The following MACROD2 variants were observed in gnomAD, a reference collection of about 807,000 sequenced individuals.
MACROD2 encodes ADP-ribose glycohydrolase MACROD2.
A neutral mutation model predicts 70.4 loss-of-function variants in MACROD2; 36 were observed. The ratio of observed to expected loss-of-function variants is 0.51; its 90% CI spans 0.39 to 0.68. The LOEUF (loss-of-function observed/expected upper bound fraction) is 0.68. MACROD2 is among the 30% of genes least tolerant of loss of function. MACROD2 has a pLI of 0.00. For missense variants in MACROD2, 496 were observed against 538.4 expected (o/e 0.92, Z 0.78); for synonymous variants, 172 against 178.8 (o/e 0.96, Z 0.30).
chr20:15,033,312 G>A (rs1395538432), intron 5 of MACROD2, among the ~76,000 whole-genome samples: 1 of 152,064 alleles, frequency 6.6e-6, no homozygotes, highest in African/African-American at 2.4e-5. Flanking sequence ...TGCCAACGAT[G>A]GGGAATGAAA....
chr20:15,779,531 A>T (rs1400345274), intron 8 of MACROD2, among the ~76,000 whole-genome samples: 3 of 152,174 alleles, frequency 2.0e-5, no homozygotes, highest in Admixed American at 2.0e-4. Flanking sequence ...AGTTCTCTGC[A>T]GCCAGTAACA....
At chr20:14,073,926 T>C (rs1215846762) in intron 2 of MACROD2, among the ~76,000 whole-genome samples, 1 of 152,212 alleles carries the variant, frequency 6.6e-6, no homozygotes, top group East Asian at 1.9e-4. Context: ...GCCCTTTTCT[T>C]GTCTAGACCC....
intron 5 of MACROD2, among the ~76,000 whole-genome samples, chr20:14,883,448 A>G (rs1259848081): frequency 2.0e-5 from 3 of 152,100 alleles, no homozygotes; most frequent in Admixed American, 1.3e-4. Flanking sequence ...TGTGGTAAGC[A>G]TGTCGGACTA....
intron 5 of MACROD2, among the ~76,000 whole-genome samples, chr20:15,112,163 C>A (rs566838004): frequency 6.6e-6 from 1 of 152,212 alleles, no homozygotes; most frequent in South Asian, 2.1e-4. Flanking sequence ...GTTGCAGAGA[C>A]CCTGACAGGA....
At chr20:14,975,697 G>T (rs1165892854) in intron 5 of MACROD2, among the ~76,000 whole-genome samples, 1 of 152,050 alleles carries the variant, frequency 6.6e-6, no homozygotes, top group Admixed American at 6.5e-5. Context: ...GGTTGTCAGG[G>T]TGGGTGCCCT....
chr20:15,835,895 A>C (rs1241306902), intron 8 of MACROD2, among the ~76,000 whole-genome samples: 1 of 152,184 alleles, frequency 6.6e-6, no homozygotes, highest in Non-Finnish European at 1.5e-5. Context: ...GAAACCTGTA[A>C]AGTTGCTTGC....
intron 5 of MACROD2, among the ~76,000 whole-genome samples, chr20:14,834,732 A>G (rs962693579): frequency 2.0e-5 from 3 of 152,018 alleles, no homozygotes; most frequent in Non-Finnish European, 2.9e-5. Context: ...TCCAAGTTGT[A>G]TTAGCCATTG....
chr20:14,136,924 A>C (rs903312080), intron 3 of MACROD2, among the ~76,000 whole-genome samples: 2 of 152,192 alleles, frequency 1.3e-5, no homozygotes, highest in Non-Finnish European at 2.9e-5. Context: ...CTCTATCCCC[A>C]AAACATAGCA....
chr20:15,826,756 T>C (rs1325270292), intron 8 of MACROD2, among the ~76,000 whole-genome samples: 1 of 152,160 alleles, frequency 6.6e-6, no homozygotes, highest in Non-Finnish European at 1.5e-5. Context: ...AGGAAAAATA[T>C]AAGTAACAAA....
At chr20:14,277,960 G>A (rs181431160) in intron 3 of MACROD2, among the ~76,000 whole-genome samples, 3 of 152,304 alleles carry the variant, frequency 2.0e-5, no homozygotes, top group African/African-American at 7.2e-5. Flanking sequence ...AGTTTTCTAG[G>A]TTGAATTACT....
chr20:15,188,640 A>C (rs962837761), intron 5 of MACROD2, among the ~76,000 whole-genome samples: 1 of 152,170 alleles, frequency 6.6e-6, no homozygotes, highest in Non-Finnish European at 1.5e-5. Flanking sequence ...CGAAACATTT[A>C]TTATTCTGAG....
chr20:14,911,826 G>A (rs1338159187), intron 5 of MACROD2, among the ~76,000 whole-genome samples: 1 of 152,068 alleles, frequency 6.6e-6, no homozygotes, highest in Non-Finnish European at 1.5e-5. Flanking sequence ...ACAATGTTTT[G>A]TATGTGGTAC....
chr20:16,036,372 C>T (rs941204515), intron 15 of MACROD2, among the ~76,000 whole-genome samples: 1 of 151,930 alleles, frequency 6.6e-6, no homozygotes. Context: ...TCTATGATGA[C>T]ATCTGCCTCA....
intron 8 of MACROD2, among the ~76,000 whole-genome samples, chr20:15,831,372 C>T (rs2064054491): frequency 6.6e-6 from 1 of 152,154 alleles, no homozygotes. Context: ...GATGTGCTGG[C>T]TTGAAGAACT....
chr20:14,270,544 G>A (rs900470536), intron 3 of MACROD2, among the ~76,000 whole-genome samples: 4 of 148,726 alleles, frequency 2.7e-5, no homozygotes, highest in Admixed American at 2.0e-4. Context: ...AGCCAAGATC[G>A]TGCCACAGCA....
intron 3 of MACROD2, among the ~76,000 whole-genome samples, chr20:14,093,154 C>T (rs777759561): frequency 5.9e-5 from 9 of 152,154 alleles, no homozygotes; most frequent in Non-Finnish European, 8.8e-5. Context: ...AATCATAGCT[C>T]AATGCAGGCT....
intron 4 of MACROD2, among the ~76,000 whole-genome samples, chr20:14,518,912 A>T (rs950859606): frequency 6.6e-6 from 1 of 152,204 alleles, no homozygotes; most frequent in South Asian, 2.1e-4. Context: ...CTGGAACAAG[A>T]TAGGACAAGC....
chr20:14,409,040 C>T (rs187354063), intron 3 of MACROD2, among the ~76,000 whole-genome samples: 1 of 152,070 alleles, frequency 6.6e-6, no homozygotes, highest in Non-Finnish European at 1.5e-5. Context: ...CCTGCTGGTA[C>T]CTGACATGAA....
At chr20:15,850,100 C>G (rs932070078) in intron 8 of MACROD2, among the ~76,000 whole-genome samples, 1 of 152,098 alleles carries the variant, frequency 6.6e-6, no homozygotes, top group Non-Finnish European at 1.5e-5. Flanking sequence ...CTCCTCACCT[C>G]TTGATTTGGA....
Sources: allele counts gnomAD v4.1 joint callset (sites outside exome capture counted in the v4.1 genomes callset), GRCh38; gene constraint gnomAD v4.1.1; transcripts MANE v1.5; gene names NCBI Gene and HGNC (gene_info 2026-07-23, HGNC 2026-07-21).